Variants in KCNQ1 observed in about 807,000 individuals in gnomAD.
The protein encoded by KCNQ1 is potassium voltage-gated channel subfamily KQT member 1.
Under a neutral mutation model 72.4 loss-of-function variants are expected in KCNQ1, and 49 were observed. The observed-to-expected ratio is 0.68, with a 90% CI of 0.54 to 0.86. The LOEUF is 0.86. KCNQ1 is among the 40% of genes least tolerant of loss of function. The probability of loss-of-function intolerance (pLI) is 0.00; values close to 1 mark genes in which losing one functional copy is unlikely to be tolerated. For missense variants in KCNQ1, 790 were observed against 945.1 expected, an observed-to-expected ratio of 0.84 and a Z score of 2.15; for synonymous variants, 450 against 412.6, an observed-to-expected ratio of 1.09 and a Z score of -1.10.
At position 2,654,956 on chromosome 11, in the gene KCNQ1, T is replaced by A. The variant is rs1158353507; in HGVS notation, c.1394-7005T>A. On this transcript the variant is annotated intron_variant, in intron 10 of 15. Coordinates refer to ENST00000155840, the MANE Select transcript of KCNQ1 (RefSeq NM_000218.3). The surrounding 1 kb of genome is among the most constrained non-coding windows in gnomAD (Gnocchi z 6.4). ...ACAGGAGACTTCCACAAATTATTGTTTCTTGACTTGGAAAAGTATCATGCA... is the reference window on the plus strand; with the variant it reads ...ACAGGAGACTTCCACAAATTATTGTATCTTGACTTGGAAAAGTATCATGCA... 1 of 398,472 alleles carries A rather than the reference T, an allele frequency of 2.5e-6. No homozygotes were observed. The highest frequency in any genetic ancestry group is 4.4e-6 in the Non-Finnish European group (1 of 226,070). 24.7% of individuals were successfully genotyped at this position (398,472 alleles called of 1,614,324 possible).
chr11:2,521,954 C>T lies in KCNQ1; in HGVS notation c.387-5974C>T, dbSNP rs889398528. 2.0e-5 allele frequency among the ~76,000 whole-genome samples: 3 copies of T among 152,372 alleles called. No individual in the cohort carries two copies. The South Asian group carries it at 6.2e-4, about 32-fold the overall frequency. On this transcript the variant is annotated intron_variant, in intron 1 of 15. Coordinates refer to ENST00000155840, the MANE Select transcript of KCNQ1 (RefSeq NM_000218.3). ...GGCCATCTGAGCCGTGGAGCCCACC[C>T]AGGCCCGCTGCCTGCACCCCGGGGG... is the stretch of plus-strand genomic sequence containing the variant.
At chr11:2,625,570 C>T in intron 10 of KCNQ1, 1 of 367,554 alleles carries the variant, frequency 2.7e-6, no homozygotes, top group Non-Finnish European at 4.6e-6. Context: ...CTGTCCAAGT[C>T]CTTTGCCCTT....
chr11:2,780,455 G>A (rs1442930349), intron 15 of KCNQ1, among the ~76,000 whole-genome samples: 8 of 152,168 alleles, frequency 5.3e-5, no homozygotes, highest in Middle Eastern at 3.2e-3. Context: ...AATGCCCGCC[G>A]GCCCTGCCAA....
chr11:2,555,688 AC>A (rs1463014762), intron 2 of KCNQ1, among the ~76,000 whole-genome samples: 1 of 152,128 alleles, frequency 6.6e-6, no homozygotes, highest in East Asian at 1.9e-4. Context: ...TGCCTTTTTG[AC>A]TGTTCAGAGC....
intron 11 of KCNQ1, chr11:2,667,369 A>C: frequency 2.5e-6 from 1 of 398,744 alleles, no homozygotes; most frequent in Non-Finnish European, 4.4e-6. Context: ...AGGCCATCCA[A>C]ATCACCCTGC....
chr11:2,756,676 C>G (rs974364281), intron 11 of KCNQ1, among the ~76,000 whole-genome samples: 1 of 151,886 alleles, frequency 6.6e-6, no homozygotes, highest in Admixed American at 6.6e-5. Context: ...GTCTTGAACT[C>G]CTGAGCTCAA....
chr11:2,645,590 G>A lies in KCNQ1; in HGVS notation c.1394-16371G>A, dbSNP rs199996570. 2.4e-4 allele frequency: 97 copies of A among 398,734 alleles called. No homozygotes were observed. In the East Asian group the frequency reaches 3.2e-3, roughly 13 times the overall value. The allele number at this position is 398,734 out of a possible 1,614,324, so 24.7% of individuals were successfully genotyped here. ...ATAAACAGGCAGTTGGGCAATGCAT[G>A]CTTCGGCCCCAGGTGGTGACTATGG... On this transcript the variant is annotated intron_variant, in intron 10 of 15. Transcript: ENST00000155840. This position sits in a 1 kb window ranked among gnomAD's most constrained non-coding sequence, Gnocchi z 5.8.
Position 2,445,182 on chromosome 11 carries a change from G to T in KCNQ1, c.84G>T (p.Ala28=). ...TGCCAGGCGCCCGGCGGGGCAGCGC[G>T]GGCCTGGCCAAGAAGTGCCCCTTCT... ...GRLPGARRGS[A]GLAKKCPFSL... The change falls in exon 1 of 16, where the codon GCG becomes GCT. Residue 28 remains alanine, a synonymous_variant. Transcript: ENST00000155840. 1 of 1,141,494 alleles carries T rather than the reference G, an allele frequency of 8.8e-7. No individual in the cohort carries two copies. The highest frequency in any genetic ancestry group is 1.1e-6 in the Non-Finnish European group (1 of 926,084). The allele number at this position is 1,141,494 out of a possible 1,614,324, so 70.7% of individuals were successfully genotyped here. A position where few individuals can be genotyped will look rare whatever the true frequency, so the allele number is the denominator to read the frequency against.
At chr11:2,733,814 A>ACACACACACACACACACACTCTCT in intron 11 of KCNQ1, among the ~76,000 whole-genome samples, 15 of 86,646 alleles carry the variant, frequency 1.7e-4, no homozygotes, top group Non-Finnish European at 1.7e-4. Flanking sequence ...ACACACACAC[A>ACACACACACACACACACACTCTCT]CTCTCTCACT....
At chr11:2,539,647 C>G (rs1464666224) in intron 2 of KCNQ1, among the ~76,000 whole-genome samples, 1 of 152,226 alleles carries the variant, frequency 6.6e-6, no homozygotes, top group Non-Finnish European at 1.5e-5. Context: ...CTTTCCAGCT[C>G]TCCCAGGCCA....
intron 1 of KCNQ1, among the ~76,000 whole-genome samples, chr11:2,506,946 A>G (rs567195334): frequency 6.6e-6 from 1 of 151,966 alleles, no homozygotes; most frequent in Non-Finnish European, 1.5e-5. Context: ...TTTTTAAGTC[A>G]TTTATATTGT....
chr11:2,511,212 T>A (rs574934271), intron 1 of KCNQ1, among the ~76,000 whole-genome samples: 56 of 152,096 alleles, frequency 3.7e-4, no homozygotes, highest in Non-Finnish European at 6.8e-4. Flanking sequence ...ACCTTGGGTG[T>A]GACTGTCACG....
chr11:2,615,169 T>G (rs1459030802), intron 10 of KCNQ1: 3 of 398,142 alleles, frequency 7.5e-6, no homozygotes, highest in Non-Finnish European at 1.3e-5. Flanking sequence ...GTAAGTGGAA[T>G]TTTAAAAATT....
At chr11:2,561,472 C>T (rs1455451811) in intron 2 of KCNQ1, among the ~76,000 whole-genome samples, 3 of 152,234 alleles carry the variant, frequency 2.0e-5, no homozygotes, top group Non-Finnish European at 4.4e-5. Context: ...TACACTATTC[C>T]CATGCCCTTT....
chr11:2,572,826 C>G lies in KCNQ1; in HGVS notation c.781-20C>G, dbSNP rs1848358728. ...AGCCTGCGGTTCCTGGAGCCCGACA[C>G]TGTGTGTTTTCTGGCCTAGGAGCTG... On this transcript the variant is annotated intron_variant, in intron 5 of 15. Coordinates refer to ENST00000155840, the MANE Select transcript of KCNQ1 (RefSeq NM_000218.3). 1 of 1,613,492 alleles carries G rather than the reference C, an allele frequency of 6.2e-7. No individual in the cohort carries two copies. The highest frequency in any genetic ancestry group is 2.2e-5 in the East Asian group (1 of 44,896).
chr11:2,642,045 C>T lies in KCNQ1; in HGVS notation c.1394-19916C>T, dbSNP rs904349812. 5.0e-6 allele frequency: 2 copies of T among 398,344 alleles called. No individual in the cohort carries two copies. The highest frequency in any genetic ancestry group is 8.9e-6 in the Non-Finnish European group (2 of 225,912). The allele number at this position is 398,344 out of a possible 1,614,324, so 24.7% of individuals were successfully genotyped here. ...ATGCTATAGCCTTATATTTTTAAAT[C>T]AGGCAGTGTGATGCATCCAACTTTG... On this transcript the variant is annotated intron_variant, in intron 10 of 15. Transcript: ENST00000155840. This position sits in a 1 kb window ranked among gnomAD's most constrained non-coding sequence, Gnocchi z 4.3.
In KCNQ1 at chr11:2,494,462, A is replaced by C. The variant is rs1444794569; in HGVS notation, c.387-33466A>C. On this transcript the variant is annotated intron_variant, in intron 1 of 15. Transcript: ENST00000155840. This position sits in a 1 kb window ranked among gnomAD's most constrained non-coding sequence, Gnocchi z 4.6. ...GAATGCTTCCAGCTTTTGCCCGTTC[A>C]GTATGATATTGCCTGTGGGTTTGTC... Among the ~76,000 whole-genome samples the C allele has an allele frequency of 6.6e-6, 1 of 152,172 alleles. No homozygotes were observed. The highest frequency in any genetic ancestry group is 1.5e-5 in the Non-Finnish European group (1 of 68,030).
At position 2,679,597 on chromosome 11, in the gene KCNQ1, G is replaced by T. The variant is rs1021869116; in HGVS notation, c.1514+17516G>T. ...TCACAGTGCCTGACAAAGCTGATGG[G>T]GAGGCGAGTTGGAATGAATAGTATC... On this transcript the variant is annotated intron_variant, in intron 11 of 15. Coordinates refer to ENST00000155840, the MANE Select transcript of KCNQ1 (RefSeq NM_000218.3). This position sits in a 1 kb window ranked among gnomAD's most constrained non-coding sequence, Gnocchi z 4.8. 1 of 398,558 alleles carries T rather than the reference G, an allele frequency of 2.5e-6. No homozygotes were observed. Among genetic ancestry groups the T allele is most frequent in the Middle Eastern group, 6.3e-4 (1 of 1,588 alleles). The allele number at this position is 398,558 out of a possible 1,614,324, so 24.7% of individuals were successfully genotyped here.
chr11:2,644,236 A>T, intron 10 of KCNQ1: 1 of 398,472 alleles, frequency 2.5e-6, no homozygotes, highest in Non-Finnish European at 4.4e-6. Flanking sequence ...GTGTCACCTT[A>T]TGGCATCCTA....
Sources: gnomAD v4.1 joint callset for allele counts (sites outside exome capture counted in the v4.1 genomes callset) on GRCh38, gnomAD v4.1.1 for gene constraint, Gnocchi (gnomAD v3.1) non-coding constraint, MANE v1.5 for transcripts, NCBI Gene and HGNC (gene_info 2026-07-23, HGNC 2026-07-21) for gene names.